SYT16: variants seen among roughly 807,000 people sequenced by gnomAD.
SYT16 encodes the protein synaptotagmin 16.
In SYT16, 42 loss-of-function variants were observed where a neutral mutation model predicts 61.4. The observed-to-expected ratio is 0.68, with a 90% confidence interval of 0.53 to 0.89. SYT16 has a LOEUF of 0.89. SYT16 is among the 40% of genes least tolerant of loss of function. SYT16 has a pLI of 0.00. For synonymous variants in SYT16, 314 were observed against 302.3 expected (o/e 1.04, Z -0.40); for missense variants, 804 against 807.3 (o/e 1.00, Z 0.05).
chr14:62,092,153 C>T (rs1022798186), intron 7 of SYT16, among the ~76,000 whole-genome samples: 1 of 148,268 alleles, frequency 6.7e-6, no homozygotes. Context: ...CCACCTCATA[C>T]CCATTAGGAT....
intron 3 of SYT16, among the ~76,000 whole-genome samples, chr14:62,026,726 C>T (rs183760097): frequency 2.3e-4 from 35 of 152,084 alleles, no homozygotes; most frequent in Non-Finnish European, 3.1e-4. Flanking sequence ...GCCAGTATAC[C>T]GCATAGCATG....
At chr14:61,878,145 C>A (rs943705321) in intron 1 of SYT16, among the ~76,000 whole-genome samples, 2 of 152,104 alleles carry the variant, frequency 1.3e-5, no homozygotes, top group African/African-American at 4.8e-5. Context: ...CTTAAAAGGA[C>A]CATGAGATGT....
intron 1 of SYT16, among the ~76,000 whole-genome samples, chr14:61,823,978 A>G (rs1230335435): frequency 2.6e-5 from 4 of 152,246 alleles, no homozygotes; most frequent in African/African-American, 7.2e-5. Flanking sequence ...TTTGTAATCA[A>G]CTTAAGACTA....
chr14:61,860,377 C>T (rs2046925779), intron 1 of SYT16, among the ~76,000 whole-genome samples: 1 of 152,156 alleles, frequency 6.6e-6, no homozygotes, highest in African/African-American at 2.4e-5. Context: ...GATTGTCTTT[C>T]ATTCCTTTTT....
chr14:61,895,877 A>G (rs1490456333), intron 1 of SYT16, among the ~76,000 whole-genome samples: 1 of 152,152 alleles, frequency 6.6e-6, no homozygotes, highest in Non-Finnish European at 1.5e-5. Context: ...GTTATTTAGG[A>G]ATTTTTTTCT....
At chr14:61,991,789 C>G (rs188259923) in intron 2 of SYT16, among the ~76,000 whole-genome samples, 1 of 152,206 alleles carries the variant, frequency 6.6e-6, no homozygotes, top group African/African-American at 2.4e-5. Flanking sequence ...TATCCGTCCT[C>G]AATATTACAA....
chr14:62,046,378 A>G (rs998051569), intron 3 of SYT16, among the ~76,000 whole-genome samples: 4 of 152,066 alleles, frequency 2.6e-5, no homozygotes, highest in Non-Finnish European at 4.4e-5. Flanking sequence ...AGTAGGTTGC[A>G]AAAATTTTCT....
intron 2 of SYT16, among the ~76,000 whole-genome samples, chr14:61,973,664 C>T (rs925599289): frequency 4.6e-5 from 7 of 152,136 alleles, no homozygotes; most frequent in African/African-American, 1.7e-4. Context: ...TTGCTGCCCC[C>T]TTCCAAAAAA....
intron 1 of SYT16, among the ~76,000 whole-genome samples, chr14:61,827,502 C>T (rs2045809018): frequency 6.6e-6 from 1 of 152,156 alleles, no homozygotes; most frequent in Non-Finnish European, 1.5e-5. Flanking sequence ...TCTAAGAAAT[C>T]TGAGGTGCAG....
intron 3 of SYT16, among the ~76,000 whole-genome samples, chr14:62,061,929 T>G (rs937081561): frequency 1.2e-4 from 18 of 151,214 alleles, no homozygotes; most frequent in Non-Finnish European, 5.9e-5. Context: ...CACCATGCCT[T>G]CAAATAGTTG....
intron 1 of SYT16, among the ~76,000 whole-genome samples, chr14:61,961,303 A>G (rs2140501438): frequency 6.6e-6 from 1 of 152,198 alleles, no homozygotes; most frequent in East Asian, 1.9e-4. Context: ...TCTGCACAGC[A>G]AAGGAAACTA....
Position 62,067,939 on chromosome 14 carries a change from T to C in SYT16, c.524-1664T>C, listed in dbSNP as rs1375460406. Among the ~76,000 whole-genome samples, 3 of 152,282 alleles carry C rather than the reference T, an allele frequency of 2.0e-5. No individual in the cohort carries two copies. In the East Asian group the frequency reaches 5.8e-4, roughly 29 times the overall value. On this transcript the variant is annotated intron_variant, in intron 3 of 7. Coordinates refer to ENST00000683842, the MANE Select transcript of SYT16 (RefSeq NM_001367656.1). ...AGACAGAGGTTGCAGTGAGCTGAGA[T>C]TGTGGCACTGCACTCCAGCCTGGGT...
chr14:61,923,788 G>T (rs1248252481), intron 1 of SYT16, among the ~76,000 whole-genome samples: 1 of 151,972 alleles, frequency 6.6e-6, no homozygotes, highest in Non-Finnish European at 1.5e-5. Flanking sequence ...AAAAGTTCTT[G>T]AAAATCATGC....
intron 1 of SYT16, among the ~76,000 whole-genome samples, chr14:61,821,401 A>C (rs923757664): frequency 2.0e-5 from 3 of 152,188 alleles, no homozygotes; most frequent in African/African-American, 7.2e-5. Flanking sequence ...AAAAACACTT[A>C]TCTGTCATTC....
At chr14:62,018,762 A>C (rs977269734) in intron 3 of SYT16, among the ~76,000 whole-genome samples, 2 of 152,096 alleles carry the variant, frequency 1.3e-5, no homozygotes, top group African/African-American at 4.8e-5. Flanking sequence ...CCCTGACTAC[A>C]TGAATGTAAA....
At chr14:62,040,848 G>T (rs182668620) in intron 3 of SYT16, among the ~76,000 whole-genome samples, 271 of 152,168 alleles carry the variant, frequency 1.8e-3, no homozygotes, top group African/African-American at 5.7e-3. Context: ...TCTTAGATTG[G>T]TGTGGTACGT....
At chr14:61,961,535 T>G (rs1331976106) in intron 1 of SYT16, among the ~76,000 whole-genome samples, 2 of 152,162 alleles carry the variant, frequency 1.3e-5, no homozygotes, top group Non-Finnish European at 2.9e-5. Context: ...TCACTAATCA[T>G]TATATAAATG....
rs1432390109 is a variant in SYT16, at chr14:62,100,722, A to C, written c.*15A>C. On this transcript the variant is annotated 3_prime_UTR_variant, in exon 8 of 8. Transcript: ENST00000683842. ...TGGAATCCTAGGTTTGCTAACCTGC[A>C]TTTGTGTGCTGTGTCCACCTTGGTT... 53 of 1,606,166 alleles carry C rather than the reference A, an allele frequency of 3.3e-5. No individual in the cohort carries two copies.
chr14:61,830,831 G>A (rs973235627), intron 1 of SYT16, among the ~76,000 whole-genome samples: 1 of 152,128 alleles, frequency 6.6e-6, no homozygotes, highest in African/African-American at 2.4e-5. Context: ...ATGGTCAACA[G>A]AGCTCCAATC....
Sources: allele counts gnomAD v4.1 joint callset (sites outside exome capture counted in the v4.1 genomes callset), GRCh38; gene constraint gnomAD v4.1.1; transcripts MANE v1.5; gene names NCBI Gene and HGNC (gene_info 2026-07-23, HGNC 2026-07-21).